The following PCLO variants were observed in gnomAD, a reference collection of about 807,000 sequenced individuals.
PCLO encodes protein piccolo.
In PCLO, 82 loss-of-function variants were observed where a neutral mutation model predicts 427.5. That is an observed-to-expected ratio of 0.19 (90% CI 0.16 to 0.23). PCLO has a LOEUF of 0.23. PCLO is among the 10% of genes least tolerant of loss of function. The pLI is 1.00. For synonymous variants in PCLO, 2,357 were observed against 2,155.4 expected, an observed-to-expected ratio of 1.09 and a Z score of -2.59; for missense variants, 6,239 against 6,115.9, an observed-to-expected ratio of 1.02 and a Z score of -0.67.
intron 3 of PCLO, among the ~76,000 whole-genome samples, chr7:82,990,452 T>A (rs1583878177): frequency 1.3e-5 from 2 of 152,270 alleles, no homozygotes; most frequent in South Asian, 2.1e-4. Flanking sequence ...CCACTGGATC[T>A]TGTATATAGT....
intron 20 of PCLO, chr7:82,820,723 C>T (rs1367396959): frequency 8.1e-6 from 10 of 1,231,228 alleles, no homozygotes; most frequent in Non-Finnish European, 1.0e-5. Context: ...AGGCAAAAAA[C>T]ACTGATCCAC....
intron 7 of PCLO, among the ~76,000 whole-genome samples, chr7:82,909,865 C>T (rs1794279875): frequency 6.6e-6 from 1 of 152,144 alleles, no homozygotes; most frequent in East Asian, 1.9e-4. Flanking sequence ...GCTTTTTATA[C>T]TCACACTGTG....
chr7:82,813,866 T>C (rs1791622590), intron 20 of PCLO, among the ~76,000 whole-genome samples: 1 of 151,812 alleles, frequency 6.6e-6, no homozygotes, highest in African/African-American at 2.4e-5. Flanking sequence ...GATCAAGTAT[T>C]TCGTAAGAAG....
chr7:83,096,961 A>AAT (rs1554396439), intron 3 of PCLO, among the ~76,000 whole-genome samples: 1 of 28,618 alleles, frequency 3.5e-5, no homozygotes, highest in Non-Finnish European at 5.3e-5. Context: ...TAAATAATAT[A>AAT]ATATAATATA....
intron 22 of PCLO, among the ~76,000 whole-genome samples, chr7:82,786,116 A>T (rs1225378095): frequency 1.3e-5 from 2 of 152,192 alleles, no homozygotes; most frequent in Non-Finnish European, 2.9e-5. Context: ...TGTGATGGAA[A>T]CCTAAAGTTA....
chr7:83,077,297 G>C (rs1285819540), intron 3 of PCLO, among the ~76,000 whole-genome samples: 1 of 152,078 alleles, frequency 6.6e-6, no homozygotes, highest in African/African-American at 2.4e-5. Context: ...AACAGGTCCA[G>C]AGAAGAAGGC....
intron 3 of PCLO, among the ~76,000 whole-genome samples, chr7:82,978,857 A>AACACACACACACAC (rs66871387): frequency 1.5e-4 from 21 of 138,682 alleles, no homozygotes; most frequent in African/African-American, 5.1e-4. Context: ...CACACACACA[A>AACACACACACACAC]ACACACACAC....
At chr7:83,075,372 T>C (rs1039854047) in intron 3 of PCLO, among the ~76,000 whole-genome samples, 2 of 152,162 alleles carry the variant, frequency 1.3e-5, no homozygotes, top group African/African-American at 4.8e-5. Context: ...GATTAGGCCT[T>C]GCTCAATTAT....
At chr7:83,044,382 T>A (rs891741354) in intron 3 of PCLO, among the ~76,000 whole-genome samples, 2 of 152,200 alleles carry the variant, frequency 1.3e-5, no homozygotes, top group African/African-American at 4.8e-5. Flanking sequence ...ATTATTTCAA[T>A]TTGGTAACTA....
chr7:82,888,592 CAAACA>C (rs1308693754), intron 9 of PCLO, among the ~76,000 whole-genome samples: 14 of 151,984 alleles, frequency 9.2e-5, no homozygotes, highest in Admixed American at 1.3e-4. Flanking sequence ...AACTTTGAAG[CAAACA>C]AAACAAATCT....
At chr7:82,977,377 C>CTTTT (rs774333323) in intron 3 of PCLO, among the ~76,000 whole-genome samples, 48 of 136,864 alleles carry the variant, frequency 3.5e-4, no homozygotes, top group African/African-American at 1.2e-3. Context: ...CAAAATTCAT[C>CTTTT]TTTTTTATTT....
intron 22 of PCLO, among the ~76,000 whole-genome samples, chr7:82,794,451 T>TA (rs1429834120): frequency 2.1e-5 from 1 of 47,062 alleles, no homozygotes; most frequent in East Asian, 3.0e-3. Context: ...AGTTCATAAA[T>TA]TTTTTTTCTT....
chr7:82,819,242 T>G (rs1251004513), intron 20 of PCLO, among the ~76,000 whole-genome samples: 1 of 152,106 alleles, frequency 6.6e-6, no homozygotes. Flanking sequence ...TTCCTTTCAA[T>G]TATGATTTTA....
chr7:83,061,610 T>C (rs1258572002), intron 3 of PCLO, among the ~76,000 whole-genome samples: 1 of 152,146 alleles, frequency 6.6e-6, no homozygotes, highest in Admixed American at 6.5e-5. Flanking sequence ...AGTGGACTGG[T>C]TAACTACTTT....
intron 3 of PCLO, among the ~76,000 whole-genome samples, chr7:82,989,213 G>C (rs1157129747): frequency 1.3e-5 from 2 of 151,982 alleles, no homozygotes; most frequent in Non-Finnish European, 2.9e-5. Flanking sequence ...TCTGGTGAAA[G>C]GCAATAGTTG....
rs1795503735 is a variant in PCLO, at chr7:82,955,913, A to G, written c.5040T>C (p.Tyr1680=). ...IELNSTIADK[Y]SAESSQKKTS... Reference sequence around the variant, plus strand: ...TTTTTTTCTGTGATGACTCTGCAGAATATTTATCTGCTATTGTACTGTTGA... The same window carrying G: ...TTTTTTTCTGTGATGACTCTGCAGAGTATTTATCTGCTATTGTACTGTTGA... Residue 1680 remains tyrosine, a synonymous_variant, in exon 5 of 25, where the codon TAT becomes TAC. Transcript: ENST00000333891. The G allele has an allele frequency of 1.9e-6, 3 of 1,613,786 alleles. No individual in the cohort carries two copies. The highest frequency in any genetic ancestry group is 1.3e-5 in the African/African-American group (1 of 74,914).
chr7:83,007,346 G>A (rs935771064), intron 3 of PCLO, among the ~76,000 whole-genome samples: 1 of 151,388 alleles, frequency 6.6e-6, no homozygotes, highest in Admixed American at 6.6e-5. Flanking sequence ...AATGAGTTAG[G>A]GAAACAGGTG....
At chr7:83,011,849 C>T (rs1788084691) in intron 3 of PCLO, among the ~76,000 whole-genome samples, 1 of 152,062 alleles carries the variant, frequency 6.6e-6, no homozygotes, top group Admixed American at 6.6e-5. Flanking sequence ...ATATTGAAAT[C>T]TACCTTAGGA....
chr7:82,975,866 C>A (rs1248908584), intron 3 of PCLO, among the ~76,000 whole-genome samples: 1 of 152,158 alleles, frequency 6.6e-6, no homozygotes, highest in Non-Finnish European at 1.5e-5. Flanking sequence ...CTTTCTCTCT[C>A]CTACCACCTT....
Sources: gnomAD v4.1 joint callset for allele counts (sites outside exome capture counted in the v4.1 genomes callset) on GRCh38, gnomAD v4.1.1 for gene constraint, MANE v1.5 for transcripts, NCBI Gene and HGNC (gene_info 2026-07-23, HGNC 2026-07-21) for gene names.